Variants in GRID2 observed in about 807,000 individuals in gnomAD.
The protein encoded by GRID2 is glutamate receptor ionotropic, delta-2.
A neutral mutation model predicts 114.8 loss-of-function variants in GRID2; 33 were observed. That is an observed-to-expected ratio of 0.29 (90% CI 0.22 to 0.38). The LOEUF is 0.38. Among genes scored for constraint, GRID2 ranks in the 10% least tolerant of loss-of-function variants. GRID2 has a pLI of 1.00. For synonymous variants in GRID2, 505 were observed against 449.9 expected, an observed-to-expected ratio of 1.12 and a Z score of -1.55; for missense variants, 1,184 against 1,257.7, an observed-to-expected ratio of 0.94 and a Z score of 0.89.
chr4:92,976,388 G>A (rs1753872020), intron 2 of GRID2, among the ~76,000 whole-genome samples: 1 of 152,050 alleles, frequency 6.6e-6, no homozygotes, highest in South Asian at 2.1e-4. Flanking sequence ...TGAATAGTGA[G>A]ATACAGAGAC....
At chr4:93,174,956 A>G (rs944234538) in intron 4 of GRID2, among the ~76,000 whole-genome samples, 2 of 152,080 alleles carry the variant, frequency 1.3e-5, no homozygotes, top group African/African-American at 4.8e-5. Flanking sequence ...TGTGTGACAT[A>G]CTTTCTTATT....
At chr4:93,420,187 A>T (rs1355571834) in intron 9 of GRID2, among the ~76,000 whole-genome samples, 2 of 152,204 alleles carry the variant, frequency 1.3e-5, no homozygotes, top group African/African-American at 4.8e-5. Flanking sequence ...GAAATGAATG[A>T]GTTGCATGTA....
intron 1 of GRID2, among the ~76,000 whole-genome samples, chr4:92,472,381 T>G (rs931191084): frequency 6.6e-6 from 1 of 152,176 alleles, no homozygotes; most frequent in African/African-American, 2.4e-5. Context: ...CAAATAGAGC[T>G]GCTATGAACA....
rs774930993 is a variant in GRID2 at position 93,141,568 on chromosome 4, A to AG, written c.735+30616dup. Among the ~76,000 whole-genome samples the AG allele has an allele frequency of 4.6e-5, 7 of 152,374 alleles. No homozygotes were observed. In the East Asian group the frequency reaches 1.3e-3, roughly 29 times the overall value. On this transcript the variant is annotated intron_variant, in intron 4 of 15. Transcript: ENST00000282020. ...ATTCTTTAAAGCTTTTGAAAAAAAAAGTCTTTAAATTATGTGTTGAAATGA... is the reference window on the plus strand; with the variant it reads ...ATTCTTTAAAGCTTTTGAAAAAAAAAGGTCTTTAAATTATGTGTTGAAATGA...
intron 8 of GRID2, among the ~76,000 whole-genome samples, chr4:93,313,297 C>T (rs1402671588): frequency 2.6e-5 from 4 of 152,138 alleles, no homozygotes; most frequent in African/African-American, 7.2e-5. Flanking sequence ...CTCTTTTCTC[C>T]TTCAGTAGTC....
Position 93,043,424 on chromosome 4 carries a change from A to T in GRID2, c.245-41571A>T, listed in dbSNP as rs190248935. Among the ~76,000 whole-genome samples the T allele has an allele frequency of 2.0e-5, 3 of 152,304 alleles. No individual in the cohort carries two copies. In the East Asian group the frequency reaches 5.8e-4, roughly 29 times the overall value. ...AATACGTCATATAAAACATTACACA[A>T]TGGTGAAAATGTAGGAAAGAGTAGA... On this transcript the variant is annotated intron_variant, in intron 2 of 15. Coordinates refer to ENST00000282020, the MANE Select transcript of GRID2 (RefSeq NM_001510.4).
intron 4 of GRID2, among the ~76,000 whole-genome samples, chr4:93,197,049 T>A (rs747410086): frequency 5.3e-5 from 8 of 152,132 alleles, no homozygotes; most frequent in Non-Finnish European, 1.2e-4. Context: ...TTAAGGCAAA[T>A]AGTCATGGAA....
chr4:92,864,318 T>C (rs1744721169), intron 2 of GRID2, among the ~76,000 whole-genome samples: 1 of 152,332 alleles, frequency 6.6e-6, no homozygotes, highest in Admixed American at 6.5e-5. Flanking sequence ...TAGCTTGGCA[T>C]ATGCTGACAC....
chr4:93,606,134 G>A (rs1357003514), intron 13 of GRID2, among the ~76,000 whole-genome samples: 1 of 152,122 alleles, frequency 6.6e-6, no homozygotes, highest in African/African-American at 2.4e-5. Context: ...GGGCGTGGTG[G>A]CATGTGCCTA....
At chr4:92,618,406 C>T (rs1730110458) in intron 2 of GRID2, among the ~76,000 whole-genome samples, 1 of 151,750 alleles carries the variant, frequency 6.6e-6, no homozygotes, top group African/African-American at 2.4e-5. Context: ...GTTTTGGTTA[C>T]TACAGCTTTG....
intron 5 of GRID2, among the ~76,000 whole-genome samples, chr4:93,215,347 A>T (rs552436117): frequency 2.6e-4 from 39 of 152,210 alleles, no homozygotes; most frequent in Non-Finnish European, 4.9e-4. Flanking sequence ...AAATTGGAAG[A>T]CATTGAATAG....
intron 12 of GRID2, among the ~76,000 whole-genome samples, chr4:93,502,733 C>CCACACA (rs147212858): frequency 8.5e-5 from 12 of 141,248 alleles, no homozygotes; most frequent in African/African-American, 1.8e-4. Flanking sequence ...CACACGCACA[C>CCACACA]CACACACACA....
chr4:92,576,347 A>T (rs147604586), intron 1 of GRID2, among the ~76,000 whole-genome samples: 133 of 152,326 alleles, frequency 8.7e-4, no homozygotes, highest in African/African-American at 2.9e-3. Context: ...AACAGCAGAT[A>T]TGGTGGCCTG....
intron 10 of GRID2, among the ~76,000 whole-genome samples, chr4:93,452,176 T>C (rs1722750600): frequency 6.6e-6 from 1 of 152,128 alleles, no homozygotes; most frequent in Admixed American, 6.5e-5. Context: ...GAAAGAGGTG[T>C]ATGTTATGTC....
At chr4:92,603,330 G>A (rs1412669234) in intron 2 of GRID2, among the ~76,000 whole-genome samples, 1 of 152,048 alleles carries the variant, frequency 6.6e-6, no homozygotes, top group Admixed American at 6.6e-5. Context: ...AAACAGCATG[G>A]TACTGACAGA....
chr4:93,335,351 C>T (rs958148323), intron 8 of GRID2, among the ~76,000 whole-genome samples: 5 of 152,020 alleles, frequency 3.3e-5, no homozygotes, highest in South Asian at 2.1e-4. Context: ...TTCCGGTGTG[C>T]GGTGGGAAGA....
chr4:93,778,878 C>A (rs1189147007), downstream of GRID2, among the ~76,000 whole-genome samples: 1 of 152,044 alleles, frequency 6.6e-6, no homozygotes, highest in East Asian at 1.9e-4. Flanking sequence ...ACAATTCTTT[C>A]CAAATCAACA....
intron 8 of GRID2, among the ~76,000 whole-genome samples, chr4:93,268,225 G>A (rs916550556): frequency 1.3e-5 from 2 of 152,248 alleles, no homozygotes; most frequent in South Asian, 2.1e-4. Context: ...GGTGAGGGGT[G>A]CTAACAAAGC....
At chr4:92,560,716 T>G (rs1484991916) in intron 1 of GRID2, among the ~76,000 whole-genome samples, 1 of 152,068 alleles carries the variant, frequency 6.6e-6, no homozygotes, top group Non-Finnish European at 1.5e-5. Flanking sequence ...ACTAATTTTT[T>G]TTTTCTTGAG....
Sources: allele counts gnomAD v4.1 joint callset (sites outside exome capture counted in the v4.1 genomes callset), GRCh38; gene constraint gnomAD v4.1.1; transcripts MANE v1.5; gene names NCBI Gene and HGNC (gene_info 2026-07-23, HGNC 2026-07-21).